The following CSMD1 variants were observed in gnomAD, a reference collection of about 807,000 sequenced individuals.
CSMD1 encodes CUB and Sushi multiple domains 1, also known as CUB and sushi domain-containing protein 1.
Under a neutral mutation model 417.5 loss-of-function variants are expected in CSMD1, and 213 were observed. That is an observed-to-expected ratio of 0.51 (90% CI 0.46 to 0.57). CSMD1 has a LOEUF of 0.57. CSMD1 is among the 20% of genes least tolerant of loss of function. The pLI is 0.00. For missense variants in CSMD1, 6,923 were observed against 4,529.7 expected (o/e 1.53, Z -15.17); for synonymous variants, 2,862 against 1,736.8 (o/e 1.65, Z -16.11).
chr8:3,560,246 A>G (rs1239496760), intron 10 of CSMD1, among the ~76,000 whole-genome samples: 1 of 152,210 alleles, frequency 6.6e-6, no homozygotes, highest in African/African-American at 2.4e-5. Flanking sequence ...GAAGGATAAT[A>G]TTAACAGTAG....
chr8:3,839,207 AAATT>A (rs200207016), intron 5 of CSMD1, among the ~76,000 whole-genome samples: 1,888 of 126,298 alleles, frequency 0.015, 46 homozygotes, highest in African/African-American at 0.051. Flanking sequence ...AATATGTAAT[AAATT>A]AATATATAGT....
chr8:4,325,834 C>G (rs191670548), intron 3 of CSMD1, among the ~76,000 whole-genome samples: 105 of 152,216 alleles, frequency 6.9e-4, no homozygotes, highest in Admixed American at 1.6e-3. Context: ...TGTAGATTAA[C>G]AAAAGCTTAT....
At chr8:3,407,792 C>A (rs1812446313) in intron 14 of CSMD1, 107 bp downstream of exon 14, 5 of 933,426 alleles carry the variant, frequency 5.4e-6, no homozygotes, top group African/African-American at 5.0e-5. Context: ...GATTATAAAA[C>A]CTCTGAAGTA....
At chr8:4,578,029 T>C (rs1489660887) in intron 2 of CSMD1, among the ~76,000 whole-genome samples, 1 of 152,206 alleles carries the variant, frequency 6.6e-6, no homozygotes, top group Non-Finnish European at 1.5e-5. Context: ...GGCTCGGCTT[T>C]AGGACTGTGT....
intron 1 of CSMD1, among the ~76,000 whole-genome samples, chr8:4,714,988 C>T (rs991064578): frequency 5.3e-5 from 8 of 152,152 alleles, no homozygotes; most frequent in Admixed American, 1.3e-4. Flanking sequence ...TCCCTTTATG[C>T]TCACAGATGG....
At chr8:4,228,166 C>G (rs528369639) in intron 3 of CSMD1, among the ~76,000 whole-genome samples, 1 of 152,174 alleles carries the variant, frequency 6.6e-6, no homozygotes, top group Non-Finnish European at 1.5e-5. Flanking sequence ...GAAGGAAACA[C>G]CCCCTCCACC....
At chr8:4,625,484 G>T (rs1802043900) in intron 2 of CSMD1, among the ~76,000 whole-genome samples, 1 of 151,836 alleles carries the variant, frequency 6.6e-6, no homozygotes, top group East Asian at 1.9e-4. Flanking sequence ...TACTCTGAAT[G>T]AATCCACCTT....
chr8:4,322,322 C>CTT (rs35168536), intron 3 of CSMD1, among the ~76,000 whole-genome samples: 13 of 151,738 alleles, frequency 8.6e-5, no homozygotes, highest in East Asian at 7.8e-4. Context: ...GAAGAGAGTA[C>CTT]TTTTTTTTGC....
intron 2 of CSMD1, among the ~76,000 whole-genome samples, chr8:4,542,798 A>C (rs1329587292): frequency 1.3e-5 from 2 of 152,212 alleles, no homozygotes; most frequent in Non-Finnish European, 2.9e-5. Flanking sequence ...TAAAATATTC[A>C]AGAAATATAA....
intron 12 of CSMD1, among the ~76,000 whole-genome samples, chr8:3,452,901 C>A (rs1169400337): frequency 1.3e-5 from 2 of 152,164 alleles, no homozygotes; most frequent in Non-Finnish European, 2.9e-5. Flanking sequence ...GGTACCAGCT[C>A]CTCCTTGTAT....
chr8:3,581,244 G>A (rs1374498057), intron 9 of CSMD1, among the ~76,000 whole-genome samples: 2 of 152,106 alleles, frequency 1.3e-5, no homozygotes, highest in Non-Finnish European at 2.9e-5. Flanking sequence ...AAAATCTACT[G>A]CCAGTTAAAG....
At chr8:3,753,140 C>T (rs992065934) in intron 6 of CSMD1, among the ~76,000 whole-genome samples, 2 of 152,116 alleles carry the variant, frequency 1.3e-5, no homozygotes, top group African/African-American at 4.8e-5. Flanking sequence ...GCGAATGCTA[C>T]CTTAATGGGG....
intron 25 of CSMD1, among the ~76,000 whole-genome samples, chr8:3,306,395 A>AACTAC (rs1804849436): frequency 6.6e-6 from 1 of 152,218 alleles, no homozygotes; most frequent in African/African-American, 2.4e-5. Context: ...GCTGATCTCG[A>AACTAC]ACTACTGATC....
chr8:3,172,105 A>G (rs935610066), intron 37 of CSMD1, among the ~76,000 whole-genome samples: 3 of 152,258 alleles, frequency 2.0e-5, no homozygotes, highest in Non-Finnish European at 1.5e-5. Context: ...ACCATGTAAA[A>G]TCAATGACTT....
intron 3 of CSMD1, among the ~76,000 whole-genome samples, chr8:4,207,721 T>G (rs981410500): frequency 1.3e-5 from 2 of 152,074 alleles, no homozygotes; most frequent in Non-Finnish European, 1.5e-5. Context: ...AGTGTATTAA[T>G]AGCAAAATAA....
intron 3 of CSMD1, among the ~76,000 whole-genome samples, chr8:4,093,644 G>C (rs192758350): frequency 6.6e-6 from 1 of 152,094 alleles, no homozygotes; most frequent in African/African-American, 2.4e-5. Context: ...TGATTGAGAG[G>C]AGAAAGTGAA....
intron 11 of CSMD1, among the ~76,000 whole-genome samples, chr8:3,484,732 A>C (rs1179544654): frequency 6.6e-6 from 1 of 152,220 alleles, no homozygotes; most frequent in African/African-American, 2.4e-5. Context: ...GAATTCTCCA[A>C]ACTTAGTAAG....
intron 1 of CSMD1, among the ~76,000 whole-genome samples, chr8:4,980,414 G>T (rs1446269552): frequency 1.3e-5 from 2 of 152,188 alleles, no homozygotes; most frequent in Non-Finnish European, 2.9e-5. Context: ...GTCTGGTCTT[G>T]TGTGTGTGGG....
intron 2 of CSMD1, among the ~76,000 whole-genome samples, chr8:4,449,206 CTTCTA>C (rs953987762): frequency 4.6e-5 from 7 of 152,310 alleles, no homozygotes; most frequent in African/African-American, 1.7e-4. Flanking sequence ...TACAGTTTTA[CTTCTA>C]TTTTCTCAGA....
Sources: gnomAD v4.1 joint callset for allele counts (sites outside exome capture counted in the v4.1 genomes callset) on GRCh38, gnomAD v4.1.1 for gene constraint, MANE v1.5 for transcripts, NCBI Gene and HGNC (gene_info 2026-07-23, HGNC 2026-07-21) for gene names.